The following RNF38 variants were observed in gnomAD, a reference collection of about 807,000 sequenced individuals.
RNF38 encodes the protein ring finger protein 38.
Under a neutral mutation model 67.2 loss-of-function variants are expected in RNF38, and 15 were observed. That is an observed-to-expected ratio of 0.22 (90% CI 0.15 to 0.34). The LOEUF (loss-of-function observed/expected upper bound fraction) is 0.34, where lower values mean the gene tolerates loss of function less well. Among genes scored for constraint, RNF38 ranks in the 10% least tolerant of loss-of-function variants. The pLI, the probability that RNF38 is intolerant of heterozygous loss-of-function variation, is 1.00. For synonymous variants in RNF38, 220 were observed against 218.8 expected (o/e 1.01, Z -0.05); for missense variants, 524 against 639.9 (o/e 0.82, Z 1.95).
intron 1 of RNF38, among the ~76,000 whole-genome samples, chr9:36,427,240 G>A (rs1355621477): frequency 6.6e-6 from 1 of 152,172 alleles, no homozygotes; most frequent in Non-Finnish European, 1.5e-5. Context: ...AGAAATAAAA[G>A]AAAGAGTTTT....
intron 2 of RNF38, among the ~76,000 whole-genome samples, chr9:36,418,658 C>T (rs143660451): frequency 2.3e-4 from 35 of 152,082 alleles, no homozygotes; most frequent in African/African-American, 8.0e-4. Flanking sequence ...TGGTGGTACG[C>T]GCCTGTAATC....
At chr9:36,413,972 A>G (rs929266051) in intron 2 of RNF38, among the ~76,000 whole-genome samples, 3 of 152,172 alleles carry the variant, frequency 2.0e-5, no homozygotes, top group African/African-American at 7.2e-5. Context: ...TCCTTTTATC[A>G]TTACATAATG....
intron 1 of RNF38, among the ~76,000 whole-genome samples, chr9:36,431,581 T>C (rs907252548): frequency 6.6e-6 from 1 of 152,180 alleles, no homozygotes; most frequent in African/African-American, 2.4e-5. Flanking sequence ...GGTTAAGATA[T>C]GGAGGAAAGG....
chr9:36,428,284 CA>C (rs1183429126), intron 1 of RNF38, among the ~76,000 whole-genome samples: 1 of 151,764 alleles, frequency 6.6e-6, no homozygotes, highest in East Asian at 2.0e-4. Context: ...GGCATGGTGG[CA>C]CGCACCTGTA....
intron 1 of RNF38, among the ~76,000 whole-genome samples, chr9:36,391,308 TAAAA>T (rs1345319030): frequency 6.6e-6 from 1 of 152,096 alleles, no homozygotes; most frequent in African/African-American, 2.4e-5. Context: ...CTACAAAAAT[TAAAA>T]AACAAAAATA....
At chr9:36,486,552 C>G (rs1285652568) in intron 1 of RNF38, among the ~76,000 whole-genome samples, 1 of 152,186 alleles carries the variant, frequency 6.6e-6, no homozygotes, top group Non-Finnish European at 1.5e-5. Context: ...ACGGGCGCCT[C>G]CACAAAAGCG....
At chr9:36,401,562 A>G (rs1366053021), upstream of RNF38, among the ~76,000 whole-genome samples, 1 of 152,184 alleles carries the variant, frequency 6.6e-6, no homozygotes, top group South Asian at 2.1e-4. Context: ...GGCTTCCTTA[A>G]GTGTGACAGT....
At chr9:36,455,965 A>G (rs1451812210) in intron 1 of RNF38, among the ~76,000 whole-genome samples, 5 of 152,080 alleles carry the variant, frequency 3.3e-5, no homozygotes, top group African/African-American at 1.2e-4. Flanking sequence ...TTCTTTCACA[A>G]ACTGCCATTT....
upstream of RNF38, among the ~76,000 whole-genome samples, chr9:36,401,387 C>T (rs920135957): frequency 2.6e-5 from 4 of 151,940 alleles, no homozygotes; most frequent in African/African-American, 7.2e-5. Flanking sequence ...GCTACTGTTC[C>T]GTGCCTCCTA....
At chr9:36,464,119 A>G (rs752629674) in intron 1 of RNF38, among the ~76,000 whole-genome samples, 10 of 151,980 alleles carry the variant, frequency 6.6e-5, no homozygotes, top group Non-Finnish European at 1.5e-4. Context: ...AGCCTAGATC[A>G]CGACACTGCA....
chr9:36,408,119 T>A (rs995294595), intron 2 of RNF38, among the ~76,000 whole-genome samples: 9 of 152,124 alleles, frequency 5.9e-5, no homozygotes, highest in Admixed American at 3.9e-4. Flanking sequence ...TCAATTTTTT[T>A]AATTTTTTGA....
chr9:36,477,364 G>A (rs958124810), intron 1 of RNF38, among the ~76,000 whole-genome samples: 2 of 151,450 alleles, frequency 1.3e-5, no homozygotes, highest in Admixed American at 6.6e-5. Context: ...ACTCTTTGGT[G>A]CATTTCTTAC....
chr9:36,455,351 T>G (rs1269351955), intron 1 of RNF38, among the ~76,000 whole-genome samples: 1 of 151,614 alleles, frequency 6.6e-6, no homozygotes, highest in Non-Finnish European at 1.5e-5. Flanking sequence ...CATTAGCCAC[T>G]GTGTCCAGCC....
intron 2 of RNF38, among the ~76,000 whole-genome samples, chr9:36,411,435 T>A (rs1376371752): frequency 2.6e-5 from 4 of 152,130 alleles, no homozygotes; most frequent in Non-Finnish European, 5.9e-5. Flanking sequence ...CAAAAAGAAC[T>A]GAAAGCAGGG....
intron 6 of RNF38, among the ~76,000 whole-genome samples, chr9:36,354,330 C>A (rs1009400385): frequency 6.6e-6 from 1 of 152,286 alleles, no homozygotes. Flanking sequence ...GTAGCTGGGG[C>A]TAGGGCGCCC....
At chr9:36,390,992 C>G (rs538367609) in intron 1 of RNF38, among the ~76,000 whole-genome samples, 1 of 152,284 alleles carries the variant, frequency 6.6e-6, no homozygotes, top group East Asian at 1.9e-4. Flanking sequence ...AAGTGTTTGC[C>G]TGGACCAAGA....
At chr9:36,372,270 A>C (rs1265440316) in intron 3 of RNF38, among the ~76,000 whole-genome samples, 2 of 152,152 alleles carry the variant, frequency 1.3e-5, no homozygotes, top group Non-Finnish European at 2.9e-5. Context: ...TTACCAGCTA[A>C]CATTTCTAGT....
chr9:36,478,189 C>T (rs894064308), intron 1 of RNF38, among the ~76,000 whole-genome samples: 3 of 151,582 alleles, frequency 2.0e-5, no homozygotes, highest in Non-Finnish European at 4.4e-5. Flanking sequence ...AATCCCAGCA[C>T]TTTGGGAGGC....
rs1329726432 is a variant in RNF38 at position 36,337,293 on chromosome 9, C to A, written c.*2459G>T. On this transcript the variant is annotated 3_prime_UTR_variant, in exon 12 of 12. Coordinates refer to ENST00000259605, the MANE Select transcript of RNF38 (RefSeq NM_022781.5). Reference sequence around the variant, plus strand: ...GCAAGTCTGCACACATCTCTATGAGCCCCATGCAAAGACAAGACATTCCCA... The same window carrying A: ...GCAAGTCTGCACACATCTCTATGAGACCCATGCAAAGACAAGACATTCCCA... The A allele has an allele frequency of 6.6e-6, 1 of 152,494 alleles. No homozygotes were observed. The highest frequency in any genetic ancestry group is 1.5e-5 in the Non-Finnish European group (1 of 68,054). The allele number at this position is 152,494 out of a possible 1,614,324, so 9.4% of individuals were successfully genotyped here. A position where few individuals can be genotyped will look rare whatever the true frequency, so the allele number is the denominator to read the frequency against.
Sources: gnomAD v4.1 joint callset for allele counts (sites outside exome capture counted in the v4.1 genomes callset) on GRCh38, gnomAD v4.1.1 for gene constraint, MANE v1.5 for transcripts, NCBI Gene and HGNC (gene_info 2026-07-23, HGNC 2026-07-21) for gene names.